The following PTPN9 variants were observed in gnomAD, a reference collection of about 807,000 sequenced individuals.
PTPN9 encodes the protein protein tyrosine phosphatase non-receptor type 9.
PTPN9 carries 26 observed loss-of-function variants against 69.8 expected under a neutral mutation model. That is an observed-to-expected ratio of 0.37 (90% CI 0.27 to 0.52). PTPN9 has a LOEUF of 0.52. Ranked by LOEUF, PTPN9 falls within the 20% of genes least tolerant of loss-of-function variation. The pLI, the probability that PTPN9 is intolerant of heterozygous loss-of-function variation, is 0.91. For synonymous variants in PTPN9, 274 were observed against 272.5 expected (o/e 1.01, Z -0.05); for missense variants, 549 against 740.3 (o/e 0.74, Z 3.00).
chr15:75,480,223 T>C (rs999234937), intron 8 of PTPN9, among the ~76,000 whole-genome samples: 1 of 152,192 alleles, frequency 6.6e-6, no homozygotes, highest in African/African-American at 2.4e-5. Flanking sequence ...AGTAAATCTT[T>C]GTGACCTTGG....
chr15:75,469,482 G>C (rs2074552710), intron 12 of PTPN9, among the ~76,000 whole-genome samples: 1 of 152,232 alleles, frequency 6.6e-6, no homozygotes, highest in South Asian at 2.1e-4. Context: ...AGGGCTGGAT[G>C]GGAAGGAAGC....
chr15:75,576,966 AAT>A (rs1422124747), intron 1 of PTPN9, among the ~76,000 whole-genome samples: 1 of 152,276 alleles, frequency 6.6e-6, no homozygotes, highest in African/African-American at 2.4e-5. Context: ...GTAAAAAAAT[AAT>A]ATTTTGTAGA....
chr15:75,480,042 GA>G (rs2074619664), intron 8 of PTPN9, 128 bp from the exon 9 acceptor site: 1 of 606,740 alleles, frequency 1.6e-6, no homozygotes, highest in Non-Finnish European at 2.8e-6. Context: ...AATGAGGAGT[GA>G]AATGGCCAGC....
At chr15:75,517,004 A>G (rs1229263242) in intron 5 of PTPN9, among the ~76,000 whole-genome samples, 1 of 152,024 alleles carries the variant, frequency 6.6e-6, no homozygotes, top group African/African-American at 2.4e-5. Flanking sequence ...CGGCCTCCCA[A>G]AGTGCTGGGA....
intron 1 of PTPN9, among the ~76,000 whole-genome samples, chr15:75,561,073 T>C (rs1182440015): frequency 6.6e-6 from 1 of 151,378 alleles, no homozygotes; most frequent in African/African-American, 2.4e-5. Context: ...TCTCAGCACT[T>C]TGGAGGCCGA....
rs138072704 is a variant in PTPN9 at position 75,576,956 on chromosome 15, G to A, written c.63+1758C>T. On this transcript the variant is annotated intron_variant, in intron 1 of 12. Transcript: ENST00000618819. ...TTTGTTTCAATATTTTGAAATGCTT[G>A]TAAAAAAATAATATTTTGTAGAAAA... Among the ~76,000 whole-genome samples the A allele has an allele frequency of 5.3e-5, 8 of 152,152 alleles. No individual in the cohort carries two copies. In the East Asian group the frequency reaches 1.5e-3, roughly 29 times the overall value.
chr15:75,519,972 A>C (rs1430143394), intron 4 of PTPN9, among the ~76,000 whole-genome samples: 1 of 152,104 alleles, frequency 6.6e-6, no homozygotes, highest in Non-Finnish European at 1.5e-5. Context: ...CTACAAAAAA[A>C]TTTTAAAATT....
At chr15:75,492,957 C>A (rs2141301007) in intron 7 of PTPN9, among the ~76,000 whole-genome samples, 1 of 152,028 alleles carries the variant, frequency 6.6e-6, no homozygotes, top group South Asian at 2.1e-4. Flanking sequence ...AGTTCAAGAC[C>A]AGCCTGGGCA....
At chr15:75,578,425 T>A (rs951788665) in intron 1 of PTPN9, among the ~76,000 whole-genome samples, 1 of 151,936 alleles carries the variant, frequency 6.6e-6, no homozygotes, top group African/African-American at 2.4e-5. Flanking sequence ...GGCCCCTGGA[T>A]CCAAGGAACT....
chr15:75,490,446 A>G (rs980862594), intron 7 of PTPN9, 145 bp from the exon 8 acceptor site: 14 of 628,110 alleles, frequency 2.2e-5, no homozygotes, highest in Admixed American at 2.9e-5. Flanking sequence ...ATACAGTTCC[A>G]TATCATTTAA....
In PTPN9 at chr15:75,530,704, T is replaced by TACTATTATAC. The variant is rs1567506969; in HGVS notation, c.64-3444_64-3443insGTATAATAGT. Among the ~76,000 whole-genome samples, 2 of 26,832 alleles carry TACTATTATAC rather than the reference T, an allele frequency of 7.5e-5. 1 individual carries two copies. The highest frequency in any genetic ancestry group is 5.7e-4 in the African/African-American group (2 of 3,512). The allele number at this position is 26,832 out of a possible 152,430, so 17.6% of individuals were successfully genotyped here. ...TTATTATATTATAATATATATAATA[T>TACTATTATAC]ATATTATTATATAATATATATAATA... On this transcript the variant is annotated intron_variant, in intron 1 of 12. Coordinates refer to ENST00000618819, the MANE Select transcript of PTPN9 (RefSeq NM_002833.4).
At chr15:75,508,039 C>CAAAAAAAAAAAAA (rs990909256) in intron 6 of PTPN9, among the ~76,000 whole-genome samples, 1 of 37,380 alleles carries the variant, frequency 2.7e-5, no homozygotes, top group Non-Finnish European at 4.9e-5. Flanking sequence ...GAGACACTCT[C>CAAAAAAAAAAAAA]AAAAAAAAAA....
chr15:75,558,832 T>A (rs1476044921), intron 1 of PTPN9, among the ~76,000 whole-genome samples: 1 of 152,150 alleles, frequency 6.6e-6, no homozygotes, highest in African/African-American at 2.4e-5. Context: ...CACTCAGTGC[T>A]CAATGTTGCC....
intron 1 of PTPN9, among the ~76,000 whole-genome samples, chr15:75,535,511 A>C (rs1223132236): frequency 1.3e-5 from 2 of 152,210 alleles, no homozygotes; most frequent in African/African-American, 2.4e-5. Flanking sequence ...TACAATAAAG[A>C]AACAGGTGTT....
rs1834763797 is a variant in PTPN9, at chr15:75,511,366, C to A, written c.529-2339G>T. ...ACCCAGGCTCAAGTGATCCTCCTAC[C>A]TCAGCCTCGCAAGTAGCATGTGCCA... On this transcript the variant is annotated intron_variant, in intron 5 of 12. Transcript: ENST00000618819. 2.0e-5 allele frequency among the ~76,000 whole-genome samples: 3 copies of A among 152,060 alleles called. No individual in the cohort carries two copies. The South Asian group carries it at 6.2e-4, about 32-fold the overall frequency.
intron 1 of PTPN9, among the ~76,000 whole-genome samples, chr15:75,578,455 TG>T (rs1489334787): frequency 2.0e-5 from 3 of 151,828 alleles, no homozygotes. Flanking sequence ...GAATAGGGGG[TG>T]GGGTGCGGAG....
intron 7 of PTPN9, among the ~76,000 whole-genome samples, chr15:75,503,674 G>A (rs2074790754): frequency 7.6e-6 from 1 of 130,764 alleles, no homozygotes; most frequent in African/African-American, 2.9e-5. Flanking sequence ...CTACTGGGAA[G>A]TGAGGAGCCC....
At position 75,467,905 on chromosome 15, in the gene PTPN9, A is replaced by G. The variant is rs1487843434; in HGVS notation, c.*864T>C. ...ATCCATGCTGAGCTAACCCAGTGTC[A>G]CCACAAACTAATACATTCTTGGCTC... On this transcript the variant is annotated 3_prime_UTR_variant, in exon 13 of 13. Transcript: ENST00000618819. 2 of 152,662 alleles carry G rather than the reference A, an allele frequency of 1.3e-5. No homozygotes were observed. Among genetic ancestry groups the G allele is most frequent in the African/African-American group, 4.8e-5 (2 of 41,458 alleles). 9.5% of individuals were successfully genotyped at this position (152,662 alleles called of 1,614,324 possible).
chr15:75,484,625 T>C (rs1036040083), intron 8 of PTPN9, among the ~76,000 whole-genome samples: 2 of 152,212 alleles, frequency 1.3e-5, no homozygotes, highest in Non-Finnish European at 2.9e-5. Context: ...GCTGCAGTTT[T>C]ATGTTATAGT....
Sources: allele counts gnomAD v4.1 joint callset (sites outside exome capture counted in the v4.1 genomes callset), GRCh38; gene constraint gnomAD v4.1.1; transcripts MANE v1.5; gene names NCBI Gene and HGNC (gene_info 2026-07-23, HGNC 2026-07-21).